The following ARHGAP30 variants were observed in gnomAD, a reference collection of about 807,000 sequenced individuals.
ARHGAP30 encodes the protein rho GTPase-activating protein 30.
Under a neutral mutation model 72.0 loss-of-function variants are expected in ARHGAP30, and 23 were observed. That is an observed-to-expected ratio of 0.32 (90% CI 0.23 to 0.45). The LOEUF is 0.45. Among genes scored for constraint, ARHGAP30 ranks in the 20% least tolerant of loss-of-function variants. The pLI is 1.00. For missense variants in ARHGAP30, 1,319 were observed against 1,383.4 expected (o/e 0.95, Z 0.74); for synonymous variants, 576 against 528.2 (o/e 1.09, Z -1.24).
Position 161,049,706 on chromosome 1 carries a change from A to C in ARHGAP30, c.1421-17T>G. ...ACTTTTCATCTGTTGGGGGAGAAGT[A>C]GTCCCAGGAATACAAAGGTCAAGCC... On this transcript the variant is annotated splice_polypyrimidine_tract_variant and intron_variant, in intron 10 of 11. Transcript: ENST00000368013. The C allele has an allele frequency of 6.2e-7, 1 of 1,608,804 alleles. No homozygotes were observed. Among genetic ancestry groups the C allele is most frequent in the Non-Finnish European group, 8.5e-7 (1 of 1,177,182 alleles).
intron 2 of ARHGAP30, among the ~76,000 whole-genome samples, chr1:161,056,860 G>A (rs1210086382): frequency 2.0e-5 from 3 of 152,090 alleles, no homozygotes; most frequent in African/African-American, 4.8e-5. Context: ...GTGCCACTGG[G>A]TACATGTAAA....
At chr1:161,066,018 C>G (rs969128479) in intron 1 of ARHGAP30, among the ~76,000 whole-genome samples, 1 of 151,440 alleles carries the variant, frequency 6.6e-6, no homozygotes, top group African/African-American at 2.4e-5. Context: ...GCGCACACCA[C>G]CATGTCCAGC....
intron 5 of ARHGAP30, 76 bp from the exon 6 acceptor site, chr1:161,053,461 ATTCT>A (rs1651573378): frequency 8.7e-6 from 7 of 805,562 alleles, no homozygotes; most frequent in East Asian, 3.4e-5. Context: ...AAAATACCTT[ATTCT>A]CTCTCTCTCT....
intron 2 of ARHGAP30, among the ~76,000 whole-genome samples, chr1:161,057,295 AG>A (rs1432721061): frequency 6.6e-6 from 1 of 151,970 alleles, no homozygotes; most frequent in Non-Finnish European, 1.5e-5. Context: ...GCTGGACTAC[AG>A]GCACCCACCA....
rs922706357 is a variant in ARHGAP30 at position 161,049,597 on chromosome 1, C to G, written c.1513G>C (p.Glu505Gln). The change falls in exon 11 of 12, where the codon GAG becomes CAG. Residue 505 changes from glutamate to glutamine, a missense_variant. By Grantham distance (29) the Glu-to-Gln change is conservative (BLOSUM62 2). Coordinates refer to ENST00000368013, the MANE Select transcript of ARHGAP30 (RefSeq NM_001025598.2). ...APALEDSLSQEVQDSFSFLED... is the reference protein window; with the variant it reads ...APALEDSLSQQVQDSFSFLED... ...AGGAAGGAGAAGGAGTCCTGCACCT[C>G]CTGGGACAGCGAGTCCTCCAGGGCA... The G allele has an allele frequency of 2.5e-6, 4 of 1,614,006 alleles. No homozygotes were observed. The highest frequency in any genetic ancestry group is 3.4e-6 in the Non-Finnish European group (4 of 1,180,006).
chr1:161,054,347 T>C lies in ARHGAP30; in HGVS notation c.536+19A>G. On this transcript the variant is annotated intron_variant, in intron 5 of 11. Coordinates refer to ENST00000368013, the MANE Select transcript of ARHGAP30 (RefSeq NM_001025598.2). ...AGTGTCTCACAGGATCCCCATACACTGCTCACACAGGCACCTACCTCAGCA... is the reference window on the plus strand; with the variant it reads ...AGTGTCTCACAGGATCCCCATACACCGCTCACACAGGCACCTACCTCAGCA... 6.2e-7 allele frequency: 1 copy of C among 1,608,446 alleles called. No individual in the cohort carries two copies. Among genetic ancestry groups the C allele is most frequent in the Non-Finnish European group, 8.5e-7 (1 of 1,176,458 alleles).
At chr1:161,067,724 G>A (rs967423375) in intron 1 of ARHGAP30, among the ~76,000 whole-genome samples, 1 of 152,144 alleles carries the variant, frequency 6.6e-6, no homozygotes, top group African/African-American at 2.4e-5. Flanking sequence ...CTGTGGGGAT[G>A]GGGGAGACCA....
intron 1 of ARHGAP30, among the ~76,000 whole-genome samples, chr1:161,066,154 C>A (rs1455462880): frequency 6.6e-6 from 1 of 151,370 alleles, no homozygotes; most frequent in Admixed American, 6.6e-5. Context: ...CGTGAGCCAC[C>A]ATGCTCAGCC....
chr1:161,053,217 C>T (rs1571084200), intron 6 of ARHGAP30, 41 bp downstream of exon 6: 5 of 1,610,458 alleles, frequency 3.1e-6, no homozygotes, highest in Non-Finnish European at 4.2e-6. Context: ...TAACTTGACT[C>T]CCCAACAGTG....
chr1:161,053,492 CTCTCTCTCTCTCTCGA>C (rs1651589994), intron 5 of ARHGAP30, 107 bp from the exon 6 acceptor site: 5 of 932,076 alleles, frequency 5.4e-6, no homozygotes, highest in Non-Finnish European at 4.1e-6. Context: ...CTCTCTCTCT[CTCTCTCTCTCTCTCGA>C]ATGACCTTAA....
intron 2 of ARHGAP30, among the ~76,000 whole-genome samples, chr1:161,058,107 C>T (rs1048834234): frequency 1.5e-4 from 23 of 151,516 alleles, no homozygotes; most frequent in African/African-American, 5.3e-4. Flanking sequence ...GCCAAGATCG[C>T]GACACTGCAC....
At chr1:161,066,893 G>T (rs772672166) in intron 1 of ARHGAP30, among the ~76,000 whole-genome samples, 26 of 152,074 alleles carry the variant, frequency 1.7e-4, no homozygotes, top group Non-Finnish European at 3.4e-4. Flanking sequence ...GTACTCTCGG[G>T]TGCCTAATGC....
intron 1 of ARHGAP30, among the ~76,000 whole-genome samples, chr1:161,068,574 G>A (rs1457487024): frequency 6.6e-6 from 1 of 152,172 alleles, no homozygotes; most frequent in African/African-American, 2.4e-5. Flanking sequence ...GTGGAATGGG[G>A]TGGAGTGGGG....
rs567315346 is a variant in ARHGAP30, at chr1:161,047,276, C to T, written c.*439G>A. On this transcript the variant is annotated 3_prime_UTR_variant, in exon 12 of 12. Coordinates refer to ENST00000368013, the MANE Select transcript of ARHGAP30 (RefSeq NM_001025598.2). ...GGTATCTTAGGGTCCAAGAACATAA[C>T]AGGAATGGGCAACTCTAGAAGTGTT... is the stretch of plus-strand genomic sequence containing the variant. 4.5e-4 allele frequency: 89 copies of T among 197,528 alleles called. No individual in the cohort carries two copies. The highest frequency in any genetic ancestry group is 8.1e-4 in the Non-Finnish European group (70 of 86,736). The allele number at this position is 197,528 out of a possible 1,614,324, so 12.2% of individuals were successfully genotyped here.
At chr1:161,051,284 C>T (rs777127736) in intron 10 of ARHGAP30, 30 bp downstream of exon 10, 3 of 1,542,652 alleles carry the variant, frequency 1.9e-6, no homozygotes, top group East Asian at 2.3e-5. Context: ...AGTCCCCTTT[C>T]CTAGTCTTGG....
At chr1:161,052,391 A>G in intron 8 of ARHGAP30, 28 bp from the exon 9 acceptor site, 2 of 1,613,500 alleles carry the variant, frequency 1.2e-6, no homozygotes, top group Admixed American at 3.3e-5. Flanking sequence ...GTGTAGAGCC[A>G]GGGCCTTGTG....
rs574315621 is a variant in ARHGAP30, at chr1:161,058,794, G to C, written c.200+820C>G. On this transcript the variant is annotated intron_variant, in intron 2 of 11. Coordinates refer to ENST00000368013, the MANE Select transcript of ARHGAP30 (RefSeq NM_001025598.2). ...GAGAATCACTTGAACCCAGGAGGCA[G>C]AGGTTGCAATGAGCCAAGATTGCGC... 2.0e-5 allele frequency among the ~76,000 whole-genome samples: 3 copies of C among 148,852 alleles called. No individual in the cohort carries two copies. In the East Asian group the frequency reaches 6.2e-4, roughly 31 times the overall value.
At position 161,049,185 on chromosome 1, in the gene ARHGAP30, G is replaced by A; in HGVS notation, c.1836C>T (p.Ala612=). Residue 612 remains alanine (A), a synonymous_variant, in exon 12 of 12, where the codon GCC becomes GCT. Transcript: ENST00000368013. ...CCAGAAGGGGACTTAGGTCATCATA[G>A]GCACTCAGGAAAACTTCCTCCCCAT... ...EENGEEVFLS[A]YDDLSPLLGP... is the part of the protein sequence containing the mutation. The A allele has an allele frequency of 6.2e-7, 1 of 1,614,154 alleles. No individual in the cohort carries two copies. The highest frequency in any genetic ancestry group is 1.3e-5 in the African/African-American group (1 of 75,034).
chr1:161,057,209 C>T (rs920562568), intron 2 of ARHGAP30, among the ~76,000 whole-genome samples: 7 of 151,026 alleles, frequency 4.6e-5, no homozygotes, highest in African/African-American at 1.7e-4. Context: ...GACTGGCATG[C>T]AGTGGCACGA....
Sources: gnomAD v4.1 joint callset for allele counts (sites outside exome capture counted in the v4.1 genomes callset) on GRCh38, gnomAD v4.1.1 for gene constraint, MANE v1.5 for transcripts, NCBI Gene and HGNC (gene_info 2026-07-23, HGNC 2026-07-21) for gene names.